Variants in BPHL observed in about 807,000 individuals in gnomAD.
BPHL encodes the protein biphenyl hydrolase like.
A neutral mutation model predicts 31.2 loss-of-function variants in BPHL; 27 were observed. The ratio of observed to expected loss-of-function variants is 0.87; its 90% CI spans 0.64 to 1.19. The LOEUF is 1.19. Among genes scored for constraint, BPHL ranks in the 50% most tolerant of loss-of-function variants. The pLI is 0.00. For missense variants in BPHL, 356 were observed against 375.7 expected (o/e 0.95, Z 0.43); for synonymous variants, 150 against 146.8 (o/e 1.02, Z -0.16).
chr6:3,123,550 G>T, intron 1 of BPHL, 107 bp from the exon 2 acceptor site: 1 of 865,348 alleles, frequency 1.2e-6, no homozygotes. Flanking sequence ...CCTACAGCGC[G>T]TAGAACACTA....
intron 2 of BPHL, among the ~76,000 whole-genome samples, chr6:3,125,593 T>C (rs1417303049): frequency 6.6e-6 from 1 of 152,174 alleles, no homozygotes; most frequent in Non-Finnish European, 1.5e-5. Context: ...GTTTCTGAAA[T>C]TGGTCTTTTA....
chr6:3,123,916 A>ACCT, intron 2 of BPHL, 156 bp downstream of exon 2: 1 of 600,072 alleles, frequency 1.7e-6, no homozygotes, highest in Non-Finnish European at 2.7e-6. Flanking sequence ...AAAAGTAGGT[A>ACCT]ACTTTCTACT....
intron 6 of BPHL, 59 bp from the exon 7 acceptor site, chr6:3,152,429 A>C: frequency 2.9e-6 from 4 of 1,394,446 alleles, no homozygotes; most frequent in Non-Finnish European, 4.0e-6. Flanking sequence ...GGGGAGAGTG[A>C]GGGGTTTGTT....
intron 2 of BPHL, among the ~76,000 whole-genome samples, chr6:3,125,863 A>G (rs768841562): frequency 3.3e-5 from 5 of 152,200 alleles, no homozygotes; most frequent in African/African-American, 7.2e-5. Flanking sequence ...ACATTTTCTA[A>G]TATGGTTTGT....
intron 6 of BPHL, among the ~76,000 whole-genome samples, chr6:3,150,862 C>T (rs1392559298): frequency 2.0e-5 from 3 of 152,236 alleles, no homozygotes; most frequent in East Asian, 1.9e-4. Context: ...TCTTCATACT[C>T]TCTTCTATCT....
chr6:3,152,050 C>T (rs1450486111), intron 6 of BPHL, among the ~76,000 whole-genome samples: 15 of 152,208 alleles, frequency 9.9e-5, no homozygotes, highest in Admixed American at 9.8e-4. Flanking sequence ...TACATCAACA[C>T]GCCAAGAAAC....
chr6:3,133,233 C>T (rs1214646019), intron 4 of BPHL, among the ~76,000 whole-genome samples: 5 of 127,896 alleles, frequency 3.9e-5, no homozygotes, highest in Non-Finnish European at 6.0e-5. Context: ...GCTCACTGCA[C>T]TCTTCTCTTC....
At chr6:3,136,034 G>C (rs1431215864) in intron 4 of BPHL, among the ~76,000 whole-genome samples, 2 of 152,016 alleles carry the variant, frequency 1.3e-5, no homozygotes, top group African/African-American at 4.8e-5. Context: ...GTATTTTCAG[G>C]GTTCTGTTTC....
intron 6 of BPHL, among the ~76,000 whole-genome samples, chr6:3,150,944 G>C (rs1456355490): frequency 6.6e-6 from 1 of 152,126 alleles, no homozygotes; most frequent in Non-Finnish European, 1.5e-5. Context: ...TTTAATGAAG[G>C]GAACCTCATT....
Position 3,149,786 on chromosome 6 carries a change from C to T in BPHL, c.789-2702C>T, listed in dbSNP as rs143580902. Among the ~76,000 whole-genome samples the T allele has an allele frequency of 7.6e-4, 115 of 152,206 alleles. No homozygotes were observed. The highest frequency in any genetic ancestry group is 1.4e-3 in the Non-Finnish European group (96 of 68,026). On this transcript the variant is annotated intron_variant, in intron 6 of 6. Transcript: ENST00000380379. The surrounding 1 kb of genome is among the most constrained non-coding windows in gnomAD (Gnocchi z 4.6). Reference sequence around the variant, plus strand: ...CTGGGATTATAGGCGCGCATCACCACGCCGGCTAATTTTTGTGTTTTTGGT... The same window carrying T: ...CTGGGATTATAGGCGCGCATCACCATGCCGGCTAATTTTTGTGTTTTTGGT...
Position 3,152,605 on chromosome 6 carries a change from T to C in BPHL, c.*30T>C, listed in dbSNP as rs751102023. 41 of 1,593,906 alleles carry C rather than the reference T, an allele frequency of 2.6e-5. No individual in the cohort carries two copies. Among genetic ancestry groups the C allele is most frequent in the Non-Finnish European group, 3.2e-5 (37 of 1,165,630 alleles). ...GCACACTCCAGTCTTGGTGGTTCCT[T>C]CGTGTGGGGCTTGATCGTGTTGCTG... On this transcript the variant is annotated 3_prime_UTR_variant, in exon 7 of 7. Transcript: ENST00000380379.
chr6:3,119,116 C>G (rs373444725), intron 1 of BPHL, among the ~76,000 whole-genome samples: 2 of 152,300 alleles, frequency 1.3e-5, no homozygotes, highest in Admixed American at 1.3e-4. Context: ...GAGTGCAGCC[C>G]CTTCAGTGTG....
In BPHL at chr6:3,140,165, T is replaced by C. The variant is rs565801354; in HGVS notation, c.665-221T>C. On this transcript the variant is annotated intron_variant, in intron 5 of 6. Coordinates refer to ENST00000380379, the MANE Select transcript of BPHL (RefSeq NM_004332.4). The surrounding 1 kb of genome is among the most constrained non-coding windows in gnomAD (Gnocchi z 5.2). ...CAGGCTGCTTATTTACTAGTAGAAC[T>C]CAGAAACAGGCAAACAAACAAGAAA... 2.8e-3 allele frequency: 1,633 copies of C among 582,054 alleles called. 38 individuals carry two copies. The South Asian group carries it at 0.033, about 12-fold the overall frequency. 36.1% of individuals were successfully genotyped at this position (582,054 alleles called of 1,614,324 possible). A position where few individuals can be genotyped will look rare whatever the true frequency, so the allele number is the denominator to read the frequency against.
intron 1 of BPHL, among the ~76,000 whole-genome samples, chr6:3,123,281 A>G (rs553172670): frequency 1.3e-5 from 2 of 152,260 alleles, no homozygotes; most frequent in Non-Finnish European, 2.9e-5. Context: ...CAGTTTTATC[A>G]TATTAAATTC....
At chr6:3,132,095 C>T (rs192251990) in intron 4 of BPHL, among the ~76,000 whole-genome samples, 1 of 152,292 alleles carries the variant, frequency 6.6e-6, no homozygotes, top group Non-Finnish European at 1.5e-5. Context: ...TACTCTCTGA[C>T]GTCTCGCTAC....
chr6:3,138,752 C>T (rs990865462), intron 5 of BPHL: 3 of 152,106 alleles, frequency 2.0e-5, no homozygotes, highest in African/African-American at 7.2e-5. Flanking sequence ...AGACAGTTCT[C>T]CATTAAAGAG....
At chr6:3,123,439 A>G (rs1175226601) in intron 1 of BPHL, among the ~76,000 whole-genome samples, 4 of 152,220 alleles carry the variant, frequency 2.6e-5, no homozygotes, top group Non-Finnish European at 5.9e-5. Flanking sequence ...TGTAATTAGC[A>G]TATCCATCGT....
At chr6:3,147,366 G>A (rs1463959383) in intron 6 of BPHL, among the ~76,000 whole-genome samples, 1 of 152,150 alleles carries the variant, frequency 6.6e-6, no homozygotes, top group Non-Finnish European at 1.5e-5. Context: ...GAGGACATTG[G>A]GGCATAGCTT....
chr6:3,119,495 C>T lies in BPHL; in HGVS notation c.107+648C>T. 1.9e-6 allele frequency: 3 copies of T among 1,614,176 alleles called. No individual in the cohort carries two copies. The African/African-American group carries it at 4.0e-5, about 22-fold the overall frequency. Reference sequence around the variant, plus strand: ...TGCTTTATTCTCTTTTGTCCTCCCACCTGTCCCCCCATTTCAGGTAAAACA... The same window carrying T: ...TGCTTTATTCTCTTTTGTCCTCCCATCTGTCCCCCCATTTCAGGTAAAACA... On this transcript the variant is annotated intron_variant, in intron 1 of 6. Coordinates refer to ENST00000380379, the MANE Select transcript of BPHL (RefSeq NM_004332.4).
Sources: allele counts gnomAD v4.1 joint callset (sites outside exome capture counted in the v4.1 genomes callset), GRCh38; gene constraint gnomAD v4.1.1; non-coding constraint Gnocchi (gnomAD v3.1); transcripts MANE v1.5; gene names NCBI Gene and HGNC (gene_info 2026-07-23, HGNC 2026-07-21).